AGBL1: variants seen among roughly 807,000 people sequenced by gnomAD.
The protein encoded by AGBL1 is cytosolic carboxypeptidase 4.
A neutral mutation model predicts 118.9 loss-of-function variants in AGBL1; 130 were observed. The observed-to-expected ratio is 1.09, with a 90% confidence interval of 0.95 to 1.26. The LOEUF (loss-of-function observed/expected upper bound fraction) is 1.26, where lower values mean the gene tolerates loss of function less well. Among genes scored for constraint, AGBL1 ranks in the 50% most tolerant of loss-of-function variants. The pLI is 0.00. For synonymous variants in AGBL1, 555 were observed against 478.9 expected, an observed-to-expected ratio of 1.16 and a Z score of -2.08; for missense variants, 1,584 against 1,298.1, an observed-to-expected ratio of 1.22 and a Z score of -3.38.
chr15:86,469,560 T>C (rs1416013289), intron 18 of AGBL1, among the ~76,000 whole-genome samples: 1 of 152,160 alleles, frequency 6.6e-6, no homozygotes, highest in African/African-American at 2.4e-5. Flanking sequence ...CAGAGATCTC[T>C]TGGACATACT....
chr15:86,100,927 C>T (rs900826904), intron 1 of AGBL1, among the ~76,000 whole-genome samples: 2 of 152,004 alleles, frequency 1.3e-5, no homozygotes, highest in African/African-American at 2.4e-5. Flanking sequence ...TCGTTCTGCT[C>T]TTGCTTTTCT....
chr15:86,381,084 A>G (rs56898646), intron 17 of AGBL1, among the ~76,000 whole-genome samples: 5,447 of 152,328 alleles, frequency 0.036, 324 homozygotes, highest in African/African-American at 0.12. Flanking sequence ...CCCATCATAT[A>G]GCATATTAAA....
intron 23 of AGBL1, among the ~76,000 whole-genome samples, chr15:86,968,544 G>A (rs1567264784): frequency 6.6e-6 from 1 of 150,940 alleles, no homozygotes; most frequent in Non-Finnish European, 1.5e-5. Context: ...ACTCTTGGAA[G>A]CAAAATGATC....
chr15:86,933,889 T>C (rs2080634966), intron 23 of AGBL1, among the ~76,000 whole-genome samples: 1 of 152,204 alleles, frequency 6.6e-6, no homozygotes, highest in Non-Finnish European at 1.5e-5. Flanking sequence ...CAGGAGATCT[T>C]GGTTGAGGTT....
At chr15:86,288,280 C>T (rs79443403) in intron 16 of AGBL1, among the ~76,000 whole-genome samples, 2,404 of 152,246 alleles carry the variant, frequency 0.016, 32 homozygotes, top group Non-Finnish European at 0.023. Context: ...TCCATACCTT[C>T]TTAACTAAGG....
chr15:86,542,674 G>C (rs1486658803), intron 19 of AGBL1, among the ~76,000 whole-genome samples: 1 of 151,880 alleles, frequency 6.6e-6, no homozygotes, highest in Non-Finnish European at 1.5e-5. Context: ...TGGCGAGATG[G>C]GGTCTTTGAT....
At chr15:86,476,652 G>A (rs2082563301) in intron 18 of AGBL1, among the ~76,000 whole-genome samples, 1 of 152,144 alleles carries the variant, frequency 6.6e-6, no homozygotes, top group Non-Finnish European at 1.5e-5. Context: ...ACACCCTACT[G>A]TCAACATGAG....
At chr15:86,713,173 G>T (rs950504837) in intron 22 of AGBL1, among the ~76,000 whole-genome samples, 1 of 152,114 alleles carries the variant, frequency 6.6e-6, no homozygotes, top group Non-Finnish European at 1.5e-5. Flanking sequence ...TCCACTGAAA[G>T]AGAAAGGGAG....
intron 5 of AGBL1, among the ~76,000 whole-genome samples, chr15:86,178,502 T>C (rs902093383): frequency 6.6e-6 from 1 of 152,156 alleles, no homozygotes; most frequent in Non-Finnish European, 1.5e-5. Context: ...TGGAAAAATT[T>C]CTTGAGAGAC....
chr15:86,523,043 T>G, intron 19 of AGBL1, 104 bp downstream of exon 19: 1 of 1,361,228 alleles, frequency 7.3e-7, no homozygotes, highest in South Asian at 1.3e-5. Flanking sequence ...ACCAAAAACC[T>G]ATGTATGACA....
chr15:86,737,859 C>A (rs1017144151), intron 22 of AGBL1, among the ~76,000 whole-genome samples: 3 of 152,124 alleles, frequency 2.0e-5, no homozygotes, highest in Non-Finnish European at 4.4e-5. Context: ...ATGAAATTAA[C>A]TTTTTCTGAT....
chr15:86,849,888 C>G (rs2079380828), intron 22 of AGBL1, among the ~76,000 whole-genome samples: 1 of 152,170 alleles, frequency 6.6e-6, no homozygotes, highest in African/African-American at 2.4e-5. Flanking sequence ...CGACATCACG[C>G]TTTAATTTTA....
intron 17 of AGBL1, among the ~76,000 whole-genome samples, chr15:86,343,239 A>T (rs551896485): frequency 5.3e-5 from 8 of 152,208 alleles, no homozygotes; most frequent in Non-Finnish European, 8.8e-5. Flanking sequence ...ATGGAAGATA[A>T]TACAAAAGAT....
intron 17 of AGBL1, among the ~76,000 whole-genome samples, chr15:86,329,743 G>C (rs143510587): frequency 2.0e-3 from 301 of 152,244 alleles, no homozygotes; most frequent in Middle Eastern, 0.014. Context: ...TCTGTGAAGA[G>C]ATTTGGGTAA....
intron 18 of AGBL1, among the ~76,000 whole-genome samples, chr15:86,496,495 C>T (rs1429547596): frequency 6.6e-6 from 1 of 152,012 alleles, no homozygotes; most frequent in Non-Finnish European, 1.5e-5. Flanking sequence ...ATAGTAGTGT[C>T]TTTTAATAGA....
At chr15:86,285,655 T>C (rs1034907558) in intron 16 of AGBL1, among the ~76,000 whole-genome samples, 33 of 152,202 alleles carry the variant, frequency 2.2e-4, no homozygotes, top group African/African-American at 8.0e-4. Flanking sequence ...CTCGGGTATG[T>C]CTTTATTAGC....
chr15:86,467,415 G>A (rs1028560232), intron 18 of AGBL1, among the ~76,000 whole-genome samples: 1 of 152,210 alleles, frequency 6.6e-6, no homozygotes, highest in Non-Finnish European at 1.5e-5. Context: ...GGCTCTGTTG[G>A]GGTGAGTTCT....
intron 21 of AGBL1, among the ~76,000 whole-genome samples, chr15:86,611,050 C>T (rs900960235): frequency 6.6e-6 from 1 of 152,102 alleles, no homozygotes; most frequent in Non-Finnish European, 1.5e-5. Context: ...GATGTGAGGT[C>T]AAGATTGAAA....
At chr15:86,154,338 C>G (rs1008563880) in intron 3 of AGBL1, 92 bp from the exon 4 acceptor site, 1 of 1,403,212 alleles carries the variant, frequency 7.1e-7, no homozygotes, top group Middle Eastern at 1.8e-4. Flanking sequence ...TTATCCTCCT[C>G]CTTCACCATC....
Sources: allele counts gnomAD v4.1 joint callset (sites outside exome capture counted in the v4.1 genomes callset), GRCh38; gene constraint gnomAD v4.1.1; transcripts MANE v1.5; gene names NCBI Gene and HGNC (gene_info 2026-07-23, HGNC 2026-07-21).